GET1: variants seen among roughly 807,000 people sequenced by gnomAD.
The protein encoded by GET1 is congenital heart disease 5 protein.
A neutral mutation model predicts 22.6 loss-of-function variants in GET1; 20 were observed. The ratio of observed to expected loss-of-function variants is 0.89; its 90% confidence interval spans 0.62 to 1.29. GET1 has a LOEUF of 1.29. GET1 is among the 50% of genes most tolerant of loss of function. GET1 has a pLI of 0.00. For missense variants in GET1, 209 were observed against 219.9 expected (o/e 0.95, Z 0.31); for synonymous variants, 92 against 83.8 (o/e 1.10, Z -0.53).
chr21:39,423,391 T>A (rs1339713864), intron 1 of GET1: 1 of 1,611,428 alleles, frequency 6.2e-7, no homozygotes, highest in Admixed American at 1.7e-5. Context: ...GAGTATTCGA[T>A]GAGCCATAGC....
chr21:39,393,659 A>G (rs1433861685), intron 4 of GET1, among the ~76,000 whole-genome samples: 1 of 151,606 alleles, frequency 6.6e-6, no homozygotes, highest in Non-Finnish European at 1.5e-5. Flanking sequence ...TTTATTTTTT[A>G]TTTTTTGAGA....
intron 1 of GET1, among the ~76,000 whole-genome samples, chr21:39,415,001 C>T (rs930264407): frequency 4.6e-5 from 7 of 151,984 alleles, no homozygotes; most frequent in Non-Finnish European, 8.8e-5. Flanking sequence ...AACTCCTGGG[C>T]TCGAGATCTT....
chr21:39,411,044 A>G, downstream of GET1: 1 of 407,448 alleles, frequency 2.5e-6, no homozygotes, highest in Non-Finnish European at 4.9e-6. Flanking sequence ...AATGAGAGGT[A>G]TACACTAATG....
chr21:39,397,884 T>C lies in GET1; in HGVS notation c.*945T>C, dbSNP rs563349146. On this transcript the variant is annotated 3_prime_UTR_variant, in exon 5 of 5. Coordinates refer to ENST00000649170, the MANE Select transcript of GET1 (RefSeq NM_004627.6). ...CATATCCCAGTAAAGCTGAATTTTC[T>C]CACTAGTTTCTGCAAGTTCATATTT... 4.1e-4 allele frequency: 62 copies of C among 152,352 alleles called. No homozygotes were observed. Among genetic ancestry groups the C allele is most frequent in the African/African-American group, 1.4e-3 (60 of 41,580 alleles). 9.4% of individuals were successfully genotyped at this position (152,352 alleles called of 1,614,324 possible).
chr21:39,394,415 A>G (rs1384310902), intron 4 of GET1, among the ~76,000 whole-genome samples: 1 of 152,138 alleles, frequency 6.6e-6, no homozygotes, highest in Non-Finnish European at 1.5e-5. Flanking sequence ...ATTTATTTTG[A>G]TATAGTTAAG....
chr21:39,390,975 T>C, intron 2 of GET1, 112 bp downstream of exon 2: 1 of 1,253,840 alleles, frequency 8.0e-7, no homozygotes. Flanking sequence ...TGAATATTGA[T>C]GGAAACTTAA....
chr21:39,420,522 CAAA>C (rs397972848), intron 1 of GET1, among the ~76,000 whole-genome samples: 2 of 87,146 alleles, frequency 2.3e-5, no homozygotes, highest in South Asian at 5.1e-4. Context: ...GATTCTATCT[CAAA>C]AAAAAAAAAA....
chr21:39,416,117 T>C (rs1398409919), intron 1 of GET1, among the ~76,000 whole-genome samples: 2 of 152,322 alleles, frequency 1.3e-5, no homozygotes, highest in African/African-American at 4.8e-5. Flanking sequence ...ATAAGGAGGA[T>C]CTTACCCCCT....
chr21:39,418,434 ATCTT>A (rs1197431822), intron 1 of GET1, among the ~76,000 whole-genome samples: 3 of 152,194 alleles, frequency 2.0e-5, no homozygotes, highest in Non-Finnish European at 4.4e-5. Context: ...AGAATTTTCT[ATCTT>A]TTCATTAAGC....
chr21:39,420,129 G>A (rs1351077591), intron 1 of GET1, among the ~76,000 whole-genome samples: 4 of 152,154 alleles, frequency 2.6e-5, no homozygotes, highest in Non-Finnish European at 5.9e-5. Flanking sequence ...TCTAATGACA[G>A]TACACATTCG....
At chr21:39,404,482 G>A (rs1422339920) in intron 4 of GET1, among the ~76,000 whole-genome samples, 3 of 152,168 alleles carry the variant, frequency 2.0e-5, no homozygotes, top group Non-Finnish European at 1.5e-5. Flanking sequence ...GGTGGCTCAC[G>A]CCTGTCATTC....
intron 1 of GET1, among the ~76,000 whole-genome samples, chr21:39,417,815 G>T (rs2041513082): frequency 6.6e-6 from 1 of 152,034 alleles, no homozygotes; most frequent in Non-Finnish European, 1.5e-5. Flanking sequence ...GCCCAGGCTG[G>T]AGTGCGGTGG....
chr21:39,405,863 A>G (rs1373988314), intron 4 of GET1: 9 of 1,512,326 alleles, frequency 6.0e-6, no homozygotes, highest in Non-Finnish European at 8.0e-6. Flanking sequence ...ACCAGAATGC[A>G]TTAGGATATT....
intron 1 of GET1, among the ~76,000 whole-genome samples, chr21:39,385,763 C>G (rs2037845758): frequency 6.6e-6 from 1 of 152,116 alleles, no homozygotes; most frequent in African/African-American, 2.4e-5. Context: ...TGCTCCAGGA[C>G]TCGCGCGGGG....
At chr21:39,395,579 G>T (rs2038589014) in intron 4 of GET1, among the ~76,000 whole-genome samples, 1 of 152,056 alleles carries the variant, frequency 6.6e-6, no homozygotes, top group African/African-American at 2.4e-5. Flanking sequence ...GGCCAGGCTG[G>T]TCTTGAACTC....
intron 1 of GET1, among the ~76,000 whole-genome samples, chr21:39,417,697 C>T (rs1050175426): frequency 3.3e-5 from 5 of 152,142 alleles, no homozygotes; most frequent in Non-Finnish European, 7.3e-5. Flanking sequence ...AAAAGGACTT[C>T]TTACATGGCA....
At chr21:39,380,712 C>T in intron 1 of GET1, 1 of 1,304,598 alleles carries the variant, frequency 7.7e-7, no homozygotes, top group East Asian at 3.1e-5. Context: ...CACCGGGCAA[C>T]CCTGGACTCT....
chr21:39,418,791 T>C (rs1309186416), intron 1 of GET1, among the ~76,000 whole-genome samples: 1 of 152,140 alleles, frequency 6.6e-6, no homozygotes, highest in Non-Finnish European at 1.5e-5. Flanking sequence ...TGAGCCACCA[T>C]GCCTGGCCAG....
exon 5 of GET1, chr21:39,406,504 T>G (rs777053245): frequency 6.2e-7 from 1 of 1,613,556 alleles, no homozygotes; most frequent in South Asian, 1.1e-5. Context: ...TTCTTGCTCT[T>G]CTTTCACAAA....
Sources: allele counts gnomAD v4.1 joint callset (sites outside exome capture counted in the v4.1 genomes callset), GRCh38; gene constraint gnomAD v4.1.1; transcripts MANE v1.5; gene names NCBI Gene and HGNC (gene_info 2026-07-23, HGNC 2026-07-21).